The following KCND2 variants were observed in gnomAD, a reference collection of about 807,000 sequenced individuals.
KCND2 encodes A-type voltage-gated potassium channel KCND2.
Under a neutral mutation model 54.4 loss-of-function variants are expected in KCND2, and 16 were observed. The ratio of observed to expected loss-of-function variants is 0.29; its 90% CI spans 0.20 to 0.45. The LOEUF (loss-of-function observed/expected upper bound fraction) is 0.45. Among genes scored for constraint, KCND2 ranks in the 20% least tolerant of loss-of-function variants. The probability of loss-of-function intolerance (pLI) is 1.00; values close to 1 mark genes in which losing one functional copy is unlikely to be tolerated. For missense variants in KCND2, 486 were observed against 824.2 expected, an observed-to-expected ratio of 0.59 and a Z score of 5.02; for synonymous variants, 317 against 310.7, an observed-to-expected ratio of 1.02 and a Z score of -0.21.
chr7:120,488,136 A>G (rs1409155196), intron 1 of KCND2, among the ~76,000 whole-genome samples: 13 of 152,290 alleles, frequency 8.5e-5, no homozygotes, highest in Admixed American at 7.8e-4. Flanking sequence ...TCGAGGCTGC[A>G]GTGAGCTGAG....
intron 1 of KCND2, among the ~76,000 whole-genome samples, chr7:120,493,768 G>T (rs1247771647): frequency 6.6e-6 from 1 of 152,088 alleles, no homozygotes; most frequent in Admixed American, 6.6e-5. Flanking sequence ...TTGCTCATGG[G>T]AGTGGAAACT....
At chr7:120,594,664 GAAC>G (rs1043671485) in intron 1 of KCND2, among the ~76,000 whole-genome samples, 3 of 152,162 alleles carry the variant, frequency 2.0e-5, no homozygotes, top group South Asian at 2.1e-4. Context: ...GCCTGTGGTA[GAAC>G]AACAACTACT....
chr7:120,722,781 T>C (rs1373623955), intron 1 of KCND2, among the ~76,000 whole-genome samples: 1 of 152,184 alleles, frequency 6.6e-6, no homozygotes, highest in Non-Finnish European at 1.5e-5. Context: ...GTTTTAAGGC[T>C]GCCTAACTGA....
chr7:120,625,515 C>A (rs138038373), intron 1 of KCND2, among the ~76,000 whole-genome samples: 5 of 152,208 alleles, frequency 3.3e-5, no homozygotes, highest in Admixed American at 2.6e-4. Context: ...CTTGCCCCTA[C>A]TTTTAAAATC....
intron 1 of KCND2, among the ~76,000 whole-genome samples, chr7:120,696,952 A>G (rs925617658): frequency 2.4e-4 from 36 of 152,246 alleles, no homozygotes; most frequent in African/African-American, 7.7e-4. Flanking sequence ...AGTAAATCTA[A>G]TTAAATATTT....
intron 1 of KCND2, among the ~76,000 whole-genome samples, chr7:120,715,433 T>C (rs1227978303): frequency 6.6e-6 from 1 of 152,106 alleles, no homozygotes; most frequent in East Asian, 1.9e-4. Flanking sequence ...GTTCTTCTTA[T>C]CTGCATCCAT....
intron 5 of KCND2, 78 bp from the exon 6 acceptor site, chr7:120,747,603 A>T: frequency 1.0e-6 from 1 of 982,342 alleles, no homozygotes; most frequent in Non-Finnish European, 1.6e-6. Flanking sequence ...TATAAGCATT[A>T]CAACACATAT....
intron 1 of KCND2, among the ~76,000 whole-genome samples, chr7:120,641,814 A>G (rs1207080170): frequency 1.4e-5 from 2 of 146,876 alleles, no homozygotes; most frequent in Non-Finnish European, 3.0e-5. Flanking sequence ...AATTTCCTAG[A>G]AAGAAAAACC....
At chr7:120,532,332 TA>T in intron 1 of KCND2, among the ~76,000 whole-genome samples, 1 of 152,092 alleles carries the variant, frequency 6.6e-6, no homozygotes, top group East Asian at 1.9e-4. Flanking sequence ...CAATGAACTT[TA>T]AAATCAGTTA....
chr7:120,331,435 T>C (rs1800067611), intron 1 of KCND2, among the ~76,000 whole-genome samples: 1 of 152,080 alleles, frequency 6.6e-6, no homozygotes, highest in Non-Finnish European at 1.5e-5. Flanking sequence ...TAGGTAGTTT[T>C]TAAAATTATT....
chr7:120,592,384 T>C (rs894651794), intron 1 of KCND2, among the ~76,000 whole-genome samples: 1 of 152,062 alleles, frequency 6.6e-6, no homozygotes, highest in African/African-American at 2.4e-5. Flanking sequence ...ACACCCCATC[T>C]CTAAAGATAC....
chr7:120,572,410 G>T (rs981009791), intron 1 of KCND2, among the ~76,000 whole-genome samples: 2 of 151,928 alleles, frequency 1.3e-5, no homozygotes, highest in Non-Finnish European at 2.9e-5. Flanking sequence ...TATTTTTTAT[G>T]GTTTATTACT....
intron 1 of KCND2, among the ~76,000 whole-genome samples, chr7:120,321,746 T>TA (rs530924994): frequency 4.1e-4 from 63 of 152,252 alleles, no homozygotes; most frequent in Admixed American, 2.0e-3. Flanking sequence ...ATGTTCTTTT[T>TA]ATGTCCAACA....
chr7:120,422,856 G>C (rs1031970197), intron 1 of KCND2, among the ~76,000 whole-genome samples: 1 of 152,152 alleles, frequency 6.6e-6, no homozygotes, highest in Non-Finnish European at 1.5e-5. Context: ...AGTCAAGATA[G>C]AATATCAGAG....
intron 1 of KCND2, among the ~76,000 whole-genome samples, chr7:120,422,149 A>G (rs1313181485): frequency 6.6e-6 from 1 of 152,222 alleles, no homozygotes; most frequent in Non-Finnish European, 1.5e-5. Context: ...TAATGCAGAT[A>G]TGCCAAAATC....
In KCND2 at chr7:120,301,283, C is replaced by T. The variant is rs936172054; in HGVS notation, c.1115+25536C>T. ...TCTATGCCACTCTTTCACTTCTAGG[C>T]AAGATCATGGGAAATCTGCTTAGCA... On this transcript the variant is annotated intron_variant, in intron 1 of 5. Transcript: ENST00000331113. 8.5e-5 allele frequency among the ~76,000 whole-genome samples: 13 copies of T among 152,244 alleles called. No homozygotes were observed. In the East Asian group the frequency reaches 2.5e-3, roughly 29 times the overall value.
chr7:120,591,933 G>A (rs898386971), intron 1 of KCND2, among the ~76,000 whole-genome samples: 4 of 152,268 alleles, frequency 2.6e-5, no homozygotes, highest in Non-Finnish European at 5.9e-5. Context: ...ATGTGCAAAT[G>A]GTTTTATAGA....
chr7:120,566,261 A>C (rs773809910), intron 1 of KCND2, among the ~76,000 whole-genome samples: 6 of 152,248 alleles, frequency 3.9e-5, no homozygotes, highest in Non-Finnish European at 5.9e-5. Context: ...AAATTGCTTT[A>C]GGTAAAACAG....
At chr7:120,375,674 A>C (rs1800826820) in intron 1 of KCND2, among the ~76,000 whole-genome samples, 1 of 151,830 alleles carries the variant, frequency 6.6e-6, no homozygotes, top group African/African-American at 2.4e-5. Context: ...CTAATGAACC[A>C]TTCTCTGGCA....
Sources: gnomAD v4.1 joint callset for allele counts (sites outside exome capture counted in the v4.1 genomes callset) on GRCh38, gnomAD v4.1.1 for gene constraint, MANE v1.5 for transcripts, NCBI Gene and HGNC (gene_info 2026-07-23, HGNC 2026-07-21) for gene names.